The following BCL7B variants were observed in gnomAD, a reference collection of about 807,000 sequenced individuals.
BCL7B encodes the protein BAF chromatin remodeling complex subunit BCL7B.
Under a neutral mutation model 26.5 loss-of-function variants are expected in BCL7B, and 11 were observed. The ratio of observed to expected loss-of-function variants is 0.42; its 90% CI spans 0.26 to 0.69. The LOEUF (loss-of-function observed/expected upper bound fraction) is 0.69, where lower values mean the gene tolerates loss of function less well. Ranked by LOEUF, BCL7B falls within the 30% of genes least tolerant of loss-of-function variation. BCL7B has a pLI of 0.28. For missense variants in BCL7B, 215 were observed against 264.4 expected (o/e 0.81, Z 1.30); for synonymous variants, 111 against 107.9 (o/e 1.03, Z -0.18).
chr7:73,543,836 A>T (rs1303744226), intron 2 of BCL7B, 192 bp from the exon 3 acceptor site: 2 of 538,670 alleles, frequency 3.7e-6, no homozygotes, highest in Non-Finnish European at 6.7e-6. Context: ...GCCTCAGAAA[A>T]ATGAACCCTT....
chr7:73,543,511 CA>C, intron 3 of BCL7B, 36 bp downstream of exon 3: 1 of 1,583,908 alleles, frequency 6.3e-7, no homozygotes, highest in Non-Finnish European at 8.7e-7. Context: ...TCCAAGTTTT[CA>C]TTCTCCTGCA....
At chr7:73,545,289 T>C (rs1346430124) in intron 2 of BCL7B, among the ~76,000 whole-genome samples, 4 of 152,278 alleles carry the variant, frequency 2.6e-5, no homozygotes, top group Non-Finnish European at 5.9e-5. Flanking sequence ...CTCGGCTCAC[T>C]GCAAGCTCCA....
At chr7:73,552,552 G>A (rs920782211) in intron 1 of BCL7B, among the ~76,000 whole-genome samples, 1 of 151,982 alleles carries the variant, frequency 6.6e-6, no homozygotes, top group Non-Finnish European at 1.5e-5. Flanking sequence ...ACTGAGGTGG[G>A]CAGATCGCTT....
At chr7:73,554,713 G>C (rs1792297705) in intron 1 of BCL7B, among the ~76,000 whole-genome samples, 2 of 150,868 alleles carry the variant, frequency 1.3e-5, no homozygotes, top group South Asian at 4.2e-4. Context: ...CGGAAGAACT[G>C]CTTGAACCCC....
intron 1 of BCL7B, among the ~76,000 whole-genome samples, chr7:73,553,037 TC>T (rs1251200943): frequency 1.3e-5 from 2 of 151,738 alleles, no homozygotes; most frequent in Non-Finnish European, 2.9e-5. Flanking sequence ...TCCTTCCACC[TC>T]AGCCTCCTGA....
At chr7:73,537,885 C>A (rs781870416) in intron 5 of BCL7B, 49 bp downstream of exon 5, 2 of 1,431,054 alleles carry the variant, frequency 1.4e-6, no homozygotes, top group Middle Eastern at 3.7e-4. Flanking sequence ...CGAGACCCTG[C>A]CTTAAACCAA....
chr7:73,540,517 C>A (rs1554582706), intron 3 of BCL7B: 3 of 165,146 alleles, frequency 1.8e-5, no homozygotes, highest in East Asian at 3.2e-4. Flanking sequence ...AAGTCACCAT[C>A]AAGGTGCAAA....
At chr7:73,554,222 C>A (rs997293155) in intron 1 of BCL7B, among the ~76,000 whole-genome samples, 4 of 151,724 alleles carry the variant, frequency 2.6e-5, no homozygotes, top group Non-Finnish European at 5.9e-5. Context: ...CTCAGCCTCT[C>A]GAAGTGCTGG....
At chr7:73,549,813 T>C (rs1471044237) in intron 2 of BCL7B, among the ~76,000 whole-genome samples, 1 of 152,100 alleles carries the variant, frequency 6.6e-6, no homozygotes, top group Non-Finnish European at 1.5e-5. Context: ...TTCGGTGACA[T>C]AGTGAGATTT....
intron 2 of BCL7B, 59 bp downstream of exon 2, chr7:73,552,107 AG>A (rs1792195896): frequency 1.0e-5 from 14 of 1,389,496 alleles, no homozygotes; most frequent in East Asian, 2.3e-5. Flanking sequence ...AAAAAAAAAA[AG>A]AGGCAATCAA....
intron 2 of BCL7B, among the ~76,000 whole-genome samples, chr7:73,551,840 A>T (rs1298639062): frequency 2.0e-5 from 3 of 152,012 alleles, no homozygotes; most frequent in Non-Finnish European, 4.4e-5. Context: ...TCACGCCTGT[A>T]ATCCCAGCAC....
chr7:73,552,307 G>A, intron 1 of BCL7B, 65 bp from the exon 2 acceptor site: 1 of 1,298,368 alleles, frequency 7.7e-7, no homozygotes, highest in South Asian at 1.2e-5. Flanking sequence ...CATCACTTGT[G>A]TTTTTCTACT....
chr7:73,537,364 A>G lies in BCL7B; in HGVS notation c.543T>C (p.Gly181=). The change falls in exon 6 of 6, where the codon GGT becomes GGC. Residue 181 remains glycine (G), a synonymous_variant. Coordinates refer to ENST00000223368, the MANE Select transcript of BCL7B (RefSeq NM_001707.4). ...CACAGAAGCGCTTCAGGGGCGGGGC[A>G]CCTGAGTCTTCCTCTTCCTCAACGA... ...TQVVEEEEDS[G]APPLKRFCVD... 2 of 1,614,024 alleles carry G rather than the reference A, an allele frequency of 1.2e-6. No homozygotes were observed. Among genetic ancestry groups the G allele is most frequent in the African/African-American group, 1.3e-5 (1 of 75,040 alleles).
chr7:73,547,132 A>G (rs1452942357), intron 2 of BCL7B, among the ~76,000 whole-genome samples: 1 of 152,084 alleles, frequency 6.6e-6, no homozygotes, highest in Non-Finnish European at 1.5e-5. Context: ...AGCCTGGGCA[A>G]CAAGAGCAAA....
At chr7:73,540,748 T>A (rs1473228437) in intron 3 of BCL7B, among the ~76,000 whole-genome samples, 1 of 131,770 alleles carries the variant, frequency 7.6e-6, no homozygotes, top group Non-Finnish European at 1.5e-5. Flanking sequence ...AAGAATGGCA[T>A]GAACCTAGAA....
intron 1 of BCL7B, among the ~76,000 whole-genome samples, chr7:73,553,958 G>A (rs1175460625): frequency 2.0e-5 from 3 of 148,192 alleles, no homozygotes; most frequent in Non-Finnish European, 4.5e-5. Context: ...GGAGGAGATA[G>A]AACAAAGGAG....
intron 2 of BCL7B, 106 bp downstream of exon 2, chr7:73,552,061 C>A (rs1310196906): frequency 6.6e-6 from 6 of 911,986 alleles, no homozygotes; most frequent in Non-Finnish European, 1.0e-5. Flanking sequence ...CCACTGCACT[C>A]CAGCCTGGGT....
intron 2 of BCL7B, among the ~76,000 whole-genome samples, chr7:73,547,580 G>A (rs975422623): frequency 1.3e-5 from 2 of 152,162 alleles, no homozygotes; most frequent in Admixed American, 1.3e-4. Flanking sequence ...ACTCAAGCAT[G>A]GGAATAACAT....
intron 3 of BCL7B, among the ~76,000 whole-genome samples, chr7:73,541,302 A>G (rs567977283): frequency 1.3e-5 from 2 of 152,012 alleles, no homozygotes; most frequent in South Asian, 2.1e-4. Flanking sequence ...CTTCAGTTCA[A>G]GCCTCATCAT....
Sources: allele counts gnomAD v4.1 joint callset (sites outside exome capture counted in the v4.1 genomes callset), GRCh38; gene constraint gnomAD v4.1.1; transcripts MANE v1.5; gene names NCBI Gene and HGNC (gene_info 2026-07-23, HGNC 2026-07-21).